Variants in NAV2 observed in about 807,000 individuals in gnomAD.
NAV2 encodes neuron navigator 2, also known as helicase, APC down-regulated 1.
A neutral mutation model predicts 223.2 loss-of-function variants in NAV2; 54 were observed. The ratio of observed to expected loss-of-function variants is 0.24; its 90% CI spans 0.19 to 0.30. The LOEUF (loss-of-function observed/expected upper bound fraction) is 0.30. Among genes scored for constraint, NAV2 ranks in the 10% least tolerant of loss-of-function variants. The pLI is 1.00. For synonymous variants in NAV2, 1,279 were observed against 1,239.3 expected, an observed-to-expected ratio of 1.03 and a Z score of -0.67; for missense variants, 2,806 against 3,147.5, an observed-to-expected ratio of 0.89 and a Z score of 2.60.
intron 1 of NAV2, among the ~76,000 whole-genome samples, chr11:19,582,238 G>T (rs1418830936): frequency 5.3e-5 from 8 of 151,824 alleles, no homozygotes; most frequent in African/African-American, 1.9e-4. Flanking sequence ...TAAATCTGTT[G>T]GAGTTCATTG....
chr11:19,991,154 T>C (rs2051292285), intron 11 of NAV2, among the ~76,000 whole-genome samples: 1 of 152,198 alleles, frequency 6.6e-6, no homozygotes, highest in Non-Finnish European at 1.5e-5. Context: ...AGACAGTGTT[T>C]CACTGGCCCC....
intron 11 of NAV2, among the ~76,000 whole-genome samples, chr11:20,015,873 C>T (rs2053958802): frequency 6.6e-6 from 1 of 152,146 alleles, no homozygotes; most frequent in Admixed American, 6.6e-5. Context: ...TGGCCCTGGC[C>T]CACTAAGTGT....
At chr11:19,424,576 A>C (rs531406980) in intron 1 of NAV2, among the ~76,000 whole-genome samples, 1 of 152,240 alleles carries the variant, frequency 6.6e-6, no homozygotes, top group South Asian at 2.1e-4. Flanking sequence ...TTCGAGACGG[A>C]GTCTTGCTGT....
intron 1 of NAV2, among the ~76,000 whole-genome samples, chr11:19,592,526 G>A (rs1354772043): frequency 2.0e-5 from 3 of 152,060 alleles, no homozygotes; most frequent in African/African-American, 7.2e-5. Context: ...CTTGATGTGG[G>A]CAAAGATTTT....
chr11:19,448,885 A>G (rs1402277726), intron 1 of NAV2, among the ~76,000 whole-genome samples: 1 of 152,242 alleles, frequency 6.6e-6, no homozygotes, highest in African/African-American at 2.4e-5. Flanking sequence ...GAGGAGAGCC[A>G]GAAAGTCAAT....
At chr11:19,721,216 C>T (rs1829198727) in intron 1 of NAV2, among the ~76,000 whole-genome samples, 1 of 152,176 alleles carries the variant, frequency 6.6e-6, no homozygotes, top group African/African-American at 2.4e-5. Context: ...TTCAAATTTC[C>T]TTTAGCTTGG....
rs1428059803 is a variant in NAV2, at chr11:20,121,200, C to T, written c.*2942C>T. 2 of 152,390 alleles carry T rather than the reference C, an allele frequency of 1.3e-5. No individual in the cohort carries two copies. Among genetic ancestry groups the T allele is most frequent in the Non-Finnish European group, 2.9e-5 (2 of 68,010 alleles). 9.4% of individuals were successfully genotyped at this position (152,390 alleles called of 1,614,324 possible). A position where few individuals can be genotyped will look rare whatever the true frequency, so the allele number is the denominator to read the frequency against. Reference sequence around the variant, plus strand: ...ACTTCAAAAAGGAAAAATAATCCAACTTTGTGGATATTAAATGGAAGGTTT... The same window carrying T: ...ACTTCAAAAAGGAAAAATAATCCAATTTTGTGGATATTAAATGGAAGGTTT... On this transcript the variant is annotated 3_prime_UTR_variant, in exon 38 of 38. Transcript: ENST00000349880.
chr11:19,347,311 C>A (rs1003699576), upstream of NAV2, among the ~76,000 whole-genome samples: 1 of 152,132 alleles, frequency 6.6e-6, no homozygotes, highest in African/African-American at 2.4e-5. Flanking sequence ...GGGACTTCAG[C>A]GGGTCCCTCT....
chr11:19,676,360 C>A (rs958133325), intron 1 of NAV2, among the ~76,000 whole-genome samples: 6 of 152,138 alleles, frequency 3.9e-5, no homozygotes, highest in African/African-American at 1.4e-4. Flanking sequence ...TCCATATTCT[C>A]ATTTGCAAAA....
At chr11:19,884,240 G>A in intron 5 of NAV2, 1 of 1,324,872 alleles carries the variant, frequency 7.5e-7, no homozygotes, top group Non-Finnish European at 1.1e-6. Flanking sequence ...TGTGTCTAAT[G>A]TATCTTCTCT....
chr11:19,895,104 CTTTTTTTTTTT>C (rs71050690), intron 6 of NAV2, among the ~76,000 whole-genome samples: 2 of 99,208 alleles, frequency 2.0e-5, no homozygotes, highest in African/African-American at 4.0e-5. Flanking sequence ...CTTTTTCTTT[CTTTTTTTTTTT>C]TTTTTTTTTT....
chr11:19,720,502 A>C (rs1019299972), intron 1 of NAV2, among the ~76,000 whole-genome samples: 1 of 152,136 alleles, frequency 6.6e-6, no homozygotes. Context: ...CCTTCAGTGA[A>C]TTTTGGGTTA....
At chr11:20,030,966 C>T (rs1009231106) in intron 11 of NAV2, among the ~76,000 whole-genome samples, 2 of 152,194 alleles carry the variant, frequency 1.3e-5, no homozygotes, top group Admixed American at 6.5e-5. Context: ...TGATTTACTT[C>T]ATCATTCTTT....
At chr11:19,685,049 G>A (rs182675817) in intron 1 of NAV2, among the ~76,000 whole-genome samples, 230 of 152,248 alleles carry the variant, frequency 1.5e-3, no homozygotes, top group Middle Eastern at 6.8e-3. Flanking sequence ...TGGGTTTGGG[G>A]CAGGATGAGA....
intron 1 of NAV2, among the ~76,000 whole-genome samples, chr11:19,398,634 C>G (rs186015250): frequency 1.3e-5 from 2 of 152,312 alleles, no homozygotes; most frequent in East Asian, 3.9e-4. Flanking sequence ...CCCCTGCCTT[C>G]ATTCTCCAAC....
chr11:19,720,745 C>T (rs1446711193), intron 1 of NAV2, among the ~76,000 whole-genome samples: 1 of 152,180 alleles, frequency 6.6e-6, no homozygotes, highest in African/African-American at 2.4e-5. Context: ...TTCATTTAAT[C>T]CTCACAACAT....
At chr11:19,913,699 T>A (rs1218432261) in intron 6 of NAV2, among the ~76,000 whole-genome samples, 1 of 152,164 alleles carries the variant, frequency 6.6e-6, no homozygotes, top group African/African-American at 2.4e-5. Flanking sequence ...CTGCTACTAA[T>A]TCAGAGTGAC....
chr11:20,102,172 G>T (rs922962942), intron 32 of NAV2, among the ~76,000 whole-genome samples: 4 of 152,134 alleles, frequency 2.6e-5, no homozygotes, highest in African/African-American at 9.7e-5. Flanking sequence ...GGCTCCGCAG[G>T]CATGGGGAGC....
chr11:20,020,941 C>G (rs1294573457), intron 11 of NAV2, among the ~76,000 whole-genome samples: 1 of 152,140 alleles, frequency 6.6e-6, no homozygotes, highest in Admixed American at 6.5e-5. Flanking sequence ...AAGTCGTATA[C>G]TATCTCAGGG....
Sources: allele counts gnomAD v4.1 joint callset (sites outside exome capture counted in the v4.1 genomes callset), GRCh38; gene constraint gnomAD v4.1.1; transcripts MANE v1.5; gene names NCBI Gene and HGNC (gene_info 2026-07-23, HGNC 2026-07-21).